Variants in SGCG observed in about 807,000 individuals in gnomAD.
SGCG encodes gamma-sarcoglycan.
SGCG carries 26 observed loss-of-function variants against 29.3 expected under a neutral mutation model. That is an observed-to-expected ratio of 0.89 (90% CI 0.65 to 1.23). The LOEUF (loss-of-function observed/expected upper bound fraction) is 1.23, where lower values mean the gene tolerates loss of function less well. Ranked by LOEUF, SGCG falls within the 50% of genes most tolerant of loss-of-function variation. The pLI is 0.00. For missense variants in SGCG, 353 were observed against 356.0 expected, an observed-to-expected ratio of 0.99 and a Z score of 0.07; for synonymous variants, 145 against 129.7, an observed-to-expected ratio of 1.12 and a Z score of -0.80.
intron 1 of SGCG, among the ~76,000 whole-genome samples, chr13:23,191,212 A>G (rs1484168861): frequency 2.0e-5 from 3 of 152,218 alleles, no homozygotes; most frequent in African/African-American, 4.8e-5. Context: ...AGCCAAAATA[A>G]TAGCATGCCT....
chr13:23,203,560 C>G (rs1403851319), intron 1 of SGCG, 135 bp from the exon 2 acceptor site: 6 of 696,570 alleles, frequency 8.6e-6, no homozygotes, highest in African/African-American at 1.8e-5. Context: ...TTTTAAAAAT[C>G]ATTAATTTTG....
Position 23,320,865 on chromosome 13 carries a change from A to G in SGCG, c.702+105A>G, listed in dbSNP as rs1293312777. ...TTAAATTTCTAGTAGTTTGTAGGAA[A>G]ACATTGTGAAGGTCATAGAGTAGCA... On this transcript the variant is annotated intron_variant, in intron 7 of 7. Transcript: ENST00000218867. 2.4e-6 allele frequency: 3 copies of G among 1,231,884 alleles called. No homozygotes were observed. In the East Asian group the frequency reaches 7.1e-5, roughly 29 times the overall value. The allele number at this position is 1,231,884 out of a possible 1,614,324, so 76.3% of individuals were successfully genotyped here.
chr13:23,293,555 C>T lies in SGCG; in HGVS notation c.506-1860C>T, dbSNP rs1041539363. 3.9e-5 allele frequency among the ~76,000 whole-genome samples: 6 copies of T among 152,276 alleles called. No homozygotes were observed. The East Asian group carries it at 5.8e-4, about 15-fold the overall frequency. ...ACTGTGAACTGTAGGGCTGGCTGGG[C>T]GCGGTGGCTCACGCCTATAATCCCA... On this transcript the variant is annotated intron_variant, in intron 5 of 7. Coordinates refer to ENST00000218867, the MANE Select transcript of SGCG (RefSeq NM_000231.3).
intron 4 of SGCG, among the ~76,000 whole-genome samples, chr13:23,261,064 T>C (rs2137586239): frequency 6.6e-6 from 1 of 152,268 alleles, no homozygotes; most frequent in East Asian, 1.9e-4. Context: ...TTGTATTTCC[T>C]GAATTTGAAT....
chr13:23,254,911 G>C (rs548138863), intron 4 of SGCG, among the ~76,000 whole-genome samples: 1 of 152,362 alleles, frequency 6.6e-6, no homozygotes, highest in South Asian at 2.1e-4. Context: ...CAGGCCCGCA[G>C]AATGCAAGAG....
At chr13:23,269,711 C>A (rs1880784150) in intron 4 of SGCG, among the ~76,000 whole-genome samples, 1 of 152,068 alleles carries the variant, frequency 6.6e-6, no homozygotes, top group Non-Finnish European at 1.5e-5. Context: ...TTTTTCACAG[C>A]TGCATAGTAC....
intron 6 of SGCG, among the ~76,000 whole-genome samples, chr13:23,295,991 G>A (rs1881892070): frequency 6.6e-6 from 1 of 150,608 alleles, no homozygotes; most frequent in South Asian, 2.1e-4. Context: ...CATCTCCCTG[G>A]GGTGCCCCCC....
Position 23,255,762 on chromosome 13 carries a change from A to G in SGCG, c.385+5045A>G, listed in dbSNP as rs150676307. 1.1e-4 allele frequency among the ~76,000 whole-genome samples: 17 copies of G among 152,338 alleles called. No homozygotes were observed. In the East Asian group the frequency reaches 1.3e-3, roughly 12 times the overall value. The stretch of plus-strand genomic sequence containing the variant: ...TCCAAGATGGAAGATTAGAGGCATT[A>G]TTAGCATGCCTTTCCTACTTGGAAA... On this transcript the variant is annotated intron_variant, in intron 4 of 7. Transcript: ENST00000218867.
chr13:23,260,447 A>AGGCTCC (rs1880380922), intron 4 of SGCG, among the ~76,000 whole-genome samples: 4 of 151,858 alleles, frequency 2.6e-5, no homozygotes, highest in African/African-American at 9.7e-5. Context: ...GTCTCTGCAC[A>AGGCTCC]TGAGATGTGT....
At chr13:23,270,629 T>G (rs1880837114) in intron 4 of SGCG, among the ~76,000 whole-genome samples, 1 of 152,222 alleles carries the variant, frequency 6.6e-6, no homozygotes, top group Non-Finnish European at 1.5e-5. Flanking sequence ...ATTTTTAAGT[T>G]GTCGTCTAAC....
intron 6 of SGCG, among the ~76,000 whole-genome samples, chr13:23,314,532 G>A (rs1320695402): frequency 2.0e-5 from 3 of 150,934 alleles, no homozygotes; most frequent in Non-Finnish European, 4.4e-5. Flanking sequence ...GTTAGTACCA[G>A]GAGTGGTTCT....
chr13:23,278,797 A>T (rs1881189928), intron 4 of SGCG, among the ~76,000 whole-genome samples: 4 of 152,232 alleles, frequency 2.6e-5, no homozygotes, highest in African/African-American at 9.6e-5. Flanking sequence ...GGCATGGCAA[A>T]GACAAAAATG....
chr13:23,176,896 GTA>G (rs1876574242), upstream of SGCG, among the ~76,000 whole-genome samples: 1 of 152,210 alleles, frequency 6.6e-6, no homozygotes, highest in Admixed American at 6.5e-5. Context: ...AATGAAATCT[GTA>G]TGTCAAAGAA....
At chr13:23,270,252 T>C (rs933036297) in intron 4 of SGCG, among the ~76,000 whole-genome samples, 1 of 152,216 alleles carries the variant, frequency 6.6e-6, no homozygotes, top group Non-Finnish European at 1.5e-5. Flanking sequence ...CTTAGTTTTG[T>C]TCAGTTTTAT....
intron 4 of SGCG, among the ~76,000 whole-genome samples, chr13:23,254,016 A>C (rs1356837730): frequency 2.0e-5 from 3 of 152,222 alleles, no homozygotes; most frequent in Non-Finnish European, 4.4e-5. Context: ...TCTTTTCTTT[A>C]TAAATTACCC....
intron 4 of SGCG, among the ~76,000 whole-genome samples, chr13:23,278,230 G>C (rs1881163571): frequency 6.6e-6 from 1 of 152,046 alleles, no homozygotes; most frequent in Non-Finnish European, 1.5e-5. Flanking sequence ...GATCACCTGA[G>C]GTTAGGAGTT....
At chr13:23,248,373 C>T (rs1879804897) in intron 3 of SGCG, among the ~76,000 whole-genome samples, 1 of 152,054 alleles carries the variant, frequency 6.6e-6, no homozygotes, top group East Asian at 1.9e-4. Context: ...CATTGTAGTT[C>T]TGAGTGTAGT....
the SGCG span, among the ~76,000 whole-genome samples, chr13:23,163,674 T>C: frequency 6.6e-6 from 1 of 152,164 alleles, no homozygotes; most frequent in Non-Finnish European, 1.5e-5. Context: ...TTTGTAAAAA[T>C]ACACTGTTTT....
chr13:23,286,037 C>T lies in SGCG; in HGVS notation c.505+6559C>T, dbSNP rs531856727. On this transcript the variant is annotated intron_variant, in intron 5 of 7. Transcript: ENST00000218867. ...ATTAATCTCGCTGGGAGCTGCAGAC[C>T]GGAGCTGTTCCTGTTTGGCCATCTT... Among the ~76,000 whole-genome samples, 4 of 152,224 alleles carry T rather than the reference C, an allele frequency of 2.6e-5. 1 individual carries two copies. In the South Asian group the frequency reaches 6.2e-4, roughly 24 times the overall value.
Sources: allele counts gnomAD v4.1 joint callset (sites outside exome capture counted in the v4.1 genomes callset), GRCh38; gene constraint gnomAD v4.1.1; transcripts MANE v1.5; gene names NCBI Gene and HGNC (gene_info 2026-07-23, HGNC 2026-07-21).